The following HS1BP3 variants were observed in gnomAD, a reference collection of about 807,000 sequenced individuals.
The protein encoded by HS1BP3 is HCLS1 binding protein 3.
HS1BP3 carries 32 observed loss-of-function variants against 33.5 expected under a neutral mutation model. The ratio of observed to expected loss-of-function variants is 0.95; its 90% CI spans 0.72 to 1.28. The LOEUF (loss-of-function observed/expected upper bound fraction) is 1.28, where lower values mean the gene tolerates loss of function less well. Among genes scored for constraint, HS1BP3 ranks in the 50% most tolerant of loss-of-function variants. The pLI, the probability that HS1BP3 is intolerant of heterozygous loss-of-function variation, is 0.00. For synonymous variants in HS1BP3, 187 were observed against 209.2 expected (o/e 0.89, Z 0.92); for missense variants, 486 against 502.3 (o/e 0.97, Z 0.31).
intron 2 of HS1BP3, among the ~76,000 whole-genome samples, chr2:20,608,746 G>A (rs975528260): frequency 8.5e-5 from 13 of 152,054 alleles, no homozygotes; most frequent in African/African-American, 3.1e-4. Flanking sequence ...GCTGCCCCAA[G>A]GAAACCAGTT....
chr2:20,620,797 A>G (rs1209020677), intron 6 of HS1BP3, among the ~76,000 whole-genome samples: 1 of 152,250 alleles, frequency 6.6e-6, no homozygotes, highest in African/African-American at 2.4e-5. Context: ...ACTGATGTCT[A>G]CTGACAGCCA....
intron 1 of HS1BP3, 100 bp downstream of exon 1, chr2:20,650,932 C>A: frequency 1.9e-6 from 2 of 1,062,692 alleles, no homozygotes; most frequent in Non-Finnish European, 2.4e-6. Flanking sequence ...GAGACCTGCA[C>A]CAGGTCCCTG....
At chr2:20,582,942 C>A (rs1693569750) in intron 5 of HS1BP3, among the ~76,000 whole-genome samples, 1 of 152,088 alleles carries the variant, frequency 6.6e-6, no homozygotes, top group Admixed American at 6.5e-5. Context: ...GGAGGAGTCC[C>A]AACCCTCTGC....
chr2:20,591,119 C>A (rs773564410), downstream of HS1BP3: 1 of 167,184 alleles, frequency 6.0e-6, no homozygotes, highest in South Asian at 2.1e-4. Context: ...GCCAGCCAGC[C>A]AGGCCCTGAT....
rs137960475 is a variant in HS1BP3, at chr2:20,640,480, G to C, written c.406+493C>G. On this transcript the variant is annotated intron_variant, in intron 3 of 6. Transcript: ENST00000304031. Reference sequence around the variant, plus strand: ...GCAGGGGTGCTGGATCAATTCCTCAGCCCGGAGCTGTCCCCATGACCCTCT... The same window carrying C: ...GCAGGGGTGCTGGATCAATTCCTCACCCCGGAGCTGTCCCCATGACCCTCT... The C allele has an allele frequency of 2.2e-4, 71 of 319,186 alleles. No individual in the cohort carries two copies. The East Asian group carries it at 3.5e-3, about 16-fold the overall frequency. 19.8% of individuals were successfully genotyped at this position (319,186 alleles called of 1,614,324 possible).
intron 3 of HS1BP3, among the ~76,000 whole-genome samples, chr2:20,593,798 C>A (rs544418497): frequency 6.6e-6 from 1 of 152,148 alleles, no homozygotes; most frequent in Non-Finnish European, 1.5e-5. Context: ...TCCCTGGAGC[C>A]GCCACGGGGA....
At chr2:20,586,096 C>T (rs1041665628) in intron 5 of HS1BP3, among the ~76,000 whole-genome samples, 6 of 152,210 alleles carry the variant, frequency 3.9e-5, no homozygotes, top group Non-Finnish European at 7.3e-5. Context: ...GTCCTCATGG[C>T]GAGATGTAAG....
At chr2:20,601,777 T>TTTC (rs2149283118) in intron 2 of HS1BP3, among the ~76,000 whole-genome samples, 1 of 127,168 alleles carries the variant, frequency 7.9e-6, no homozygotes, top group East Asian at 2.2e-4. Flanking sequence ...CTTCTTTTTT[T>TTTC]TTTTTTTTTT....
At chr2:20,589,124 C>T (rs1174457635), downstream of HS1BP3, among the ~76,000 whole-genome samples, 2 of 152,202 alleles carry the variant, frequency 1.3e-5, no homozygotes, top group Non-Finnish European at 2.9e-5. Context: ...ACAGAATGGA[C>T]CACTAGCCCT....
At chr2:20,628,151 T>C (rs1318056883) in intron 4 of HS1BP3, among the ~76,000 whole-genome samples, 2 of 152,188 alleles carry the variant, frequency 1.3e-5, no homozygotes, top group African/African-American at 2.4e-5. Context: ...GAGCAACTCA[T>C]TCCTTCCCTC....
intron 2 of HS1BP3, among the ~76,000 whole-genome samples, chr2:20,601,770 C>CTTTTTTTTTTTTTTTTTTTTTTTTTT (rs35644786): frequency 1.4e-5 from 1 of 69,122 alleles, no homozygotes; most frequent in Non-Finnish European, 2.5e-5. Context: ...AGTGTGTCTT[C>CTTTTTTTTTTTTTTTTTTTTTTTTTT]TTTTTTTTTT....
intron 5 of HS1BP3, among the ~76,000 whole-genome samples, chr2:20,576,756 C>A (rs1263588647): frequency 6.6e-6 from 1 of 152,198 alleles, no homozygotes; most frequent in East Asian, 1.9e-4. Flanking sequence ...GTTGACCTGT[C>A]ACACTGAGTC....
At chr2:20,568,479 A>G (rs1693189012) in intron 5 of HS1BP3, among the ~76,000 whole-genome samples, 1 of 152,134 alleles carries the variant, frequency 6.6e-6, no homozygotes, top group South Asian at 2.1e-4. Flanking sequence ...GGTGAGATGG[A>G]AGCCCTGTCA....
downstream of HS1BP3, among the ~76,000 whole-genome samples, chr2:20,588,978 T>C (rs769264343): frequency 9.9e-5 from 15 of 152,188 alleles, no homozygotes; most frequent in Non-Finnish European, 1.9e-4. Flanking sequence ...GGGGACCAGA[T>C]GCTGACCACT....
chr2:20,619,648 T>C (rs1360889365), intron 6 of HS1BP3, among the ~76,000 whole-genome samples: 1 of 152,220 alleles, frequency 6.6e-6, no homozygotes, highest in Non-Finnish European at 1.5e-5. Context: ...TTATCATATC[T>C]TATCCTCAAA....
chr2:20,578,147 C>T (rs559715985), intron 5 of HS1BP3, among the ~76,000 whole-genome samples: 104 of 152,314 alleles, frequency 6.8e-4, no homozygotes, highest in African/African-American at 2.2e-3. Context: ...GAAGCAGGCT[C>T]ACGTGGCTGT....
At chr2:20,555,044 C>T in the HS1BP3 span, among the ~76,000 whole-genome samples, 3 of 152,180 alleles carry the variant, frequency 2.0e-5, no homozygotes, top group Admixed American at 6.5e-5. Context: ...CGGCCTGAAA[C>T]GGAACAGGCA....
chr2:20,589,141 C>G (rs1250354526), downstream of HS1BP3, among the ~76,000 whole-genome samples: 1 of 152,252 alleles, frequency 6.6e-6, no homozygotes, highest in Non-Finnish European at 1.5e-5. Context: ...CCCTGCTTTG[C>G]ATGGATGGGT....
intron 5 of HS1BP3, among the ~76,000 whole-genome samples, chr2:20,565,686 G>GATGAATGT (rs1398108486): frequency 1.2e-4 from 18 of 152,242 alleles, no homozygotes; most frequent in Non-Finnish European, 2.2e-4. Context: ...CCCACTGGAA[G>GATGAATGT]ATGAATGTGG....
Sources: allele counts gnomAD v4.1 joint callset (sites outside exome capture counted in the v4.1 genomes callset), GRCh38; gene constraint gnomAD v4.1.1; transcripts MANE v1.5; gene names NCBI Gene and HGNC (gene_info 2026-07-23, HGNC 2026-07-21).